Variants in LAMC2 observed in about 807,000 individuals in gnomAD.
LAMC2 encodes laminin subunit gamma 2, also known as laminin subunit gamma-2.
A neutral mutation model predicts 140.2 loss-of-function variants in LAMC2; 97 were observed. The ratio of observed to expected loss-of-function variants is 0.69; its 90% CI spans 0.59 to 0.82. The LOEUF is 0.82. Ranked by LOEUF, LAMC2 falls within the 40% of genes least tolerant of loss-of-function variation. The probability of loss-of-function intolerance (pLI) is 0.00; values close to 1 mark genes in which losing one functional copy is unlikely to be tolerated. For synonymous variants in LAMC2, 513 were observed against 540.2 expected, an observed-to-expected ratio of 0.95 and a Z score of 0.70; for missense variants, 1,402 against 1,476.1, an observed-to-expected ratio of 0.95 and a Z score of 0.82.
chr1:183,224,861 A>G (rs1659580863), intron 7 of LAMC2, among the ~76,000 whole-genome samples: 1 of 152,120 alleles, frequency 6.6e-6, no homozygotes, highest in South Asian at 2.1e-4. Context: ...CTGTGCATGC[A>G]TCTGTTATAG....
chr1:183,208,138 G>A, intron 2 of LAMC2, 69 bp downstream of exon 2: 2 of 1,388,934 alleles, frequency 1.4e-6, no homozygotes, highest in Non-Finnish European at 2.0e-6. Flanking sequence ...AAGGAAGGAA[G>A]GAGGAAAAGA....
At chr1:183,190,186 G>A (rs956863274) in intron 1 of LAMC2, among the ~76,000 whole-genome samples, 2 of 152,114 alleles carry the variant, frequency 1.3e-5, no homozygotes, top group South Asian at 2.1e-4. Context: ...ATGATAAATC[G>A]ATATGACCAT....
Position 183,186,400 on chromosome 1 carries a change from G to GC in LAMC2, c.51dup (p.Ala18ArgfsTer12). ...GCTGCCTCTGCTTCTCGCTCCTCCT[G>GC]CCCGCAGCCCGGGCCACCTCCAGGA... On this transcript the variant is annotated frameshift_variant, in exon 1 of 23. Coordinates refer to ENST00000264144, the MANE Select transcript of LAMC2 (RefSeq NM_005562.3). LOFTEE classifies it high-confidence loss of function. 1 of 1,605,590 alleles carries GC rather than the reference G, an allele frequency of 6.2e-7. No individual in the cohort carries two copies. Among genetic ancestry groups the GC allele is most frequent in the Non-Finnish European group, 8.5e-7 (1 of 1,179,692 alleles).
intron 1 of LAMC2, among the ~76,000 whole-genome samples, chr1:183,202,068 C>T (rs982895770): frequency 2.0e-4 from 31 of 152,076 alleles, no homozygotes; most frequent in African/African-American, 7.0e-4. Flanking sequence ...GTGGTACATG[C>T]CTGTAATCCT....
At chr1:183,236,709 T>C in intron 17 of LAMC2, 105 bp downstream of exon 17, 1 of 1,345,274 alleles carries the variant, frequency 7.4e-7, no homozygotes, top group East Asian at 2.3e-5. Context: ...TTCTCCATGT[T>C]GACCATTTCT....
In LAMC2 at chr1:183,237,505, G is replaced by A; in HGVS notation, c.2754+1G>A. ...ACAGAATGGAAAAAGTGGGAGAGAGGTATTCTTTTGTTAATTCATTCACTC... is the reference window on the plus strand; with the variant it reads ...ACAGAATGGAAAAAGTGGGAGAGAGATATTCTTTTGTTAATTCATTCACTC... On this transcript the variant is annotated splice_donor_variant, in intron 18 of 22. Coordinates refer to ENST00000264144, the MANE Select transcript of LAMC2 (RefSeq NM_005562.3). LOFTEE classifies it high-confidence loss of function. The A allele has an allele frequency of 6.2e-7, 1 of 1,612,166 alleles. No individual in the cohort carries two copies. The highest frequency in any genetic ancestry group is 8.5e-7 in the Non-Finnish European group (1 of 1,178,488).
intron 1 of LAMC2, among the ~76,000 whole-genome samples, chr1:183,207,202 G>C (rs1658912337): frequency 6.6e-6 from 1 of 152,102 alleles, no homozygotes; most frequent in Non-Finnish European, 1.5e-5. Flanking sequence ...AGTGTGCCGG[G>C]TACTATGCTG....
intron 2 of LAMC2, among the ~76,000 whole-genome samples, chr1:183,210,060 A>T (rs1659025612): frequency 6.6e-6 from 1 of 152,196 alleles, no homozygotes. Context: ...GTAATTAATT[A>T]ATCTTCACAA....
intron 2 of LAMC2, among the ~76,000 whole-genome samples, chr1:183,209,925 A>G (rs1659022192): frequency 6.6e-6 from 1 of 152,210 alleles, no homozygotes; most frequent in Non-Finnish European, 1.5e-5. Context: ...TAGATATCCC[A>G]GACTCAGTGG....
intron 11 of LAMC2, among the ~76,000 whole-genome samples, chr1:183,230,522 A>G (rs1255677846): frequency 1.3e-5 from 2 of 152,222 alleles, no homozygotes; most frequent in African/African-American, 4.8e-5. Flanking sequence ...AGGAAAGAAC[A>G]TTGGCTCTGC....
intron 9 of LAMC2, 73 bp downstream of exon 9, chr1:183,226,989 A>G (rs1160532976): frequency 1.7e-6 from 2 of 1,185,192 alleles, no homozygotes; most frequent in African/African-American, 1.5e-5. Context: ...AAGAAAGACC[A>G]TGGCTGAACT....
intron 11 of LAMC2, among the ~76,000 whole-genome samples, chr1:183,229,022 G>A (rs1000609902): frequency 1.3e-5 from 2 of 152,162 alleles, no homozygotes; most frequent in African/African-American, 4.8e-5. Context: ...AGGGGAGTGG[G>A]CTGTAAAATA....
At chr1:183,238,023 GGTCTAGCTCA>G (rs1293339253) in intron 18 of LAMC2, among the ~76,000 whole-genome samples, 2 of 152,098 alleles carry the variant, frequency 1.3e-5, no homozygotes, top group African/African-American at 4.8e-5. Flanking sequence ...GTCTAATTTT[GGTCTAGCTCA>G]GTCTACTACT....
intron 1 of LAMC2, among the ~76,000 whole-genome samples, chr1:183,196,136 A>C (rs550349064): frequency 8.0e-6 from 1 of 124,792 alleles, no homozygotes; most frequent in Non-Finnish European, 1.6e-5. Flanking sequence ...ATTTTTGATA[A>C]AAATGATTTT....
chr1:183,203,207 C>T (rs1658776202), intron 1 of LAMC2, among the ~76,000 whole-genome samples: 9 of 152,160 alleles, frequency 5.9e-5, no homozygotes, highest in Admixed American at 5.2e-4. Context: ...TTGATGTTGA[C>T]TACAACAGGC....
At position 183,192,824 on chromosome 1, in the gene LAMC2, CT is replaced by C. The variant is rs576905298; in HGVS notation, c.79+6395del. Among the ~76,000 whole-genome samples, 5 of 152,320 alleles carry C rather than the reference CT, an allele frequency of 3.3e-5. No individual in the cohort carries two copies. The East Asian group carries it at 9.6e-4, about 29-fold the overall frequency. ...GCTTCAAGCAATTCTCCTGTGTCAGCTTCCCGGGTAGCTGGGACTTTAGGGG... is the reference window on the plus strand; with the variant it reads ...GCTTCAAGCAATTCTCCTGTGTCAGCTCCCGGGTAGCTGGGACTTTAGGGG... On this transcript the variant is annotated intron_variant, in intron 1 of 22. Coordinates refer to ENST00000264144, the MANE Select transcript of LAMC2 (RefSeq NM_005562.3).
At chr1:183,219,508 T>C (rs773886034) in intron 4 of LAMC2, among the ~76,000 whole-genome samples, 5 of 152,216 alleles carry the variant, frequency 3.3e-5, no homozygotes, top group Admixed American at 1.3e-4. Flanking sequence ...CTGACTTTTA[T>C]GGTAATCGCT....
chr1:183,246,149 G>A (rs1389512321), downstream of LAMC2, among the ~76,000 whole-genome samples: 2 of 140,752 alleles, frequency 1.4e-5, no homozygotes, highest in Non-Finnish European at 3.0e-5. Context: ...CAGCCAGGGT[G>A]ACAGAGCAAG....
At chr1:183,255,251 C>T in the LAMC2 span, among the ~76,000 whole-genome samples, 8 of 152,104 alleles carry the variant, frequency 5.3e-5, no homozygotes, top group Admixed American at 1.3e-4. Flanking sequence ...TTTCTGGGCT[C>T]ACTATTCGGT....
Sources: allele counts gnomAD v4.1 joint callset (sites outside exome capture counted in the v4.1 genomes callset), GRCh38; gene constraint gnomAD v4.1.1; transcripts MANE v1.5; gene names NCBI Gene and HGNC (gene_info 2026-07-23, HGNC 2026-07-21).